Variants in ARHGEF38 observed in about 807,000 individuals in gnomAD.
The protein encoded by ARHGEF38 is Rho guanine nucleotide exchange factor 38, also known as Rho guanine nucleotide exchange factor (GEF) 38.
In ARHGEF38, 79 loss-of-function variants were observed where a neutral mutation model predicts 79.9. That is an observed-to-expected ratio of 0.99 (90% confidence interval 0.82 to 1.19). The LOEUF is 1.19. Ranked by LOEUF, ARHGEF38 falls within the 50% of genes most tolerant of loss-of-function variation. The pLI is 0.00. For synonymous variants in ARHGEF38, 366 were observed against 328.3 expected, an observed-to-expected ratio of 1.11 and a Z score of -1.24; for missense variants, 962 against 907.2, an observed-to-expected ratio of 1.06 and a Z score of -0.78.
In ARHGEF38 at chr4:105,648,506, T is replaced by A. The variant is rs1352718098; in HGVS notation, c.875-43T>A. 4 of 1,443,960 alleles carry A rather than the reference T, an allele frequency of 2.8e-6. No individual in the cohort carries two copies. The South Asian group carries it at 6.0e-5, about 22-fold the overall frequency. 89.4% of individuals were successfully genotyped at this position (1,443,960 alleles called of 1,614,324 possible). On this transcript the variant is annotated intron_variant, in intron 6 of 13. Transcript: ENST00000420470. Reference sequence around the variant, plus strand: ...CTTTGGGTGAAGTGCACACTTTCTATGCTGCATGTGTTCAGCTACGTTATT... The same window carrying A: ...CTTTGGGTGAAGTGCACACTTTCTAAGCTGCATGTGTTCAGCTACGTTATT...
At chr4:105,660,748 C>G (rs749373409) in intron 10 of ARHGEF38, among the ~76,000 whole-genome samples, 11 of 152,154 alleles carry the variant, frequency 7.2e-5, no homozygotes, top group Non-Finnish European at 1.3e-4. Flanking sequence ...CCTGAGCTTC[C>G]TAATTCTTTT....
intron 10 of ARHGEF38, among the ~76,000 whole-genome samples, chr4:105,664,328 C>T (rs1042554920): frequency 2.6e-5 from 4 of 152,256 alleles, no homozygotes; most frequent in Admixed American, 1.3e-4. Context: ...CCATTTCTCC[C>T]GCCTCAGTGG....
Position 105,679,468 on chromosome 4 carries a change from T to A in ARHGEF38, c.*1531T>A. The A allele has an allele frequency of 3.1e-6, 5 of 1,590,306 alleles. No individual in the cohort carries two copies. Among genetic ancestry groups the A allele is most frequent in the Non-Finnish European group, 4.3e-6 (5 of 1,161,264 alleles). On this transcript the variant is annotated 3_prime_UTR_variant, in exon 14 of 14. Transcript: ENST00000420470. ...ATTTCCTCTAGGCTTTCCAGAGTCATGGTCACAAACCCCTTATCAGAGTTG... is the reference window on the plus strand; with the variant it reads ...ATTTCCTCTAGGCTTTCCAGAGTCAAGGTCACAAACCCCTTATCAGAGTTG...
chr4:105,647,025 CA>C (rs1473982051), intron 6 of ARHGEF38, among the ~76,000 whole-genome samples: 1 of 152,034 alleles, frequency 6.6e-6, no homozygotes, highest in Non-Finnish European at 1.5e-5. Context: ...ACATGGAGAT[CA>C]GGGTGCCTCA....
In ARHGEF38 at chr4:105,667,723, A is replaced by T. The variant is rs1227503939; in HGVS notation, c.2148+20A>T. On this transcript the variant is annotated intron_variant, in intron 13 of 13. Transcript: ENST00000420470. ...GAACAGGTAAAAATTTGATGTAAAA[A>T]TATGTGGTTGTTCAAATCATGAAAG... The T allele has an allele frequency of 6.5e-7, 1 of 1,535,666 alleles. No individual in the cohort carries two copies. Among genetic ancestry groups the T allele is most frequent in the Non-Finnish European group, 8.7e-7 (1 of 1,146,756 alleles).
Position 105,654,099 on chromosome 4 carries a change from T to C in ARHGEF38, c.1043T>C (p.Leu348Pro). The C allele has an allele frequency of 6.6e-7, 1 of 1,515,572 alleles. No individual in the cohort carries two copies. Among genetic ancestry groups the C allele is most frequent in the Non-Finnish European group, 8.8e-7 (1 of 1,132,874 alleles). 93.9% of individuals were successfully genotyped at this position (1,515,572 alleles called of 1,614,324 possible). Residue 348 changes from leucine (L) to proline (P), a missense_variant, in exon 8 of 14, where the codon CTG becomes CCG. Physicochemically the swap from Leu to Pro is moderately conservative, Grantham distance 98 (BLOSUM62 -3). Transcript: ENST00000420470. The stretch of plus-strand genomic sequence containing the variant: ...AATACCTTTAACAGAGAAGAAAAGC[T>C]GTTTAGAGCTTTAGAAAAGACTGTG... ...KDNTFNREEKLFRALEKTVRL... is the reference protein window; with the variant it reads ...KDNTFNREEKPFRALEKTVRL...
At position 105,680,861 on chromosome 4, in the gene ARHGEF38, AT is replaced by A. The variant is rs1731287309; in HGVS notation, c.*2925del. 1 of 152,316 alleles carries A rather than the reference AT, an allele frequency of 6.6e-6. No individual in the cohort carries two copies. Among genetic ancestry groups the A allele is most frequent in the Non-Finnish European group, 1.5e-5 (1 of 68,002 alleles). 9.4% of individuals were successfully genotyped at this position (152,316 alleles called of 1,614,324 possible). On this transcript the variant is annotated 3_prime_UTR_variant, in exon 14 of 14. Transcript: ENST00000420470. The stretch of plus-strand genomic sequence containing the variant: ...GCACGTATTTTCCATGATGGGATAA[AT>A]GTTTTCATTTCAAGTGCCAATGTGT...
chr4:105,662,968 C>T (rs1730618065), intron 10 of ARHGEF38, among the ~76,000 whole-genome samples: 1 of 152,092 alleles, frequency 6.6e-6, no homozygotes, highest in South Asian at 2.1e-4. Context: ...AAGTAAAAGG[C>T]ATTTTGGAGA....
At chr4:105,668,662 G>GTAGATAGA (rs10608366) in intron 13 of ARHGEF38, among the ~76,000 whole-genome samples, 20 of 149,036 alleles carry the variant, frequency 1.3e-4, no homozygotes, top group South Asian at 4.3e-4. Context: ...ATGTATATGT[G>GTAGATAGA]TAGATAGATA....
chr4:105,672,603 A>G (rs1479793257), intron 13 of ARHGEF38, among the ~76,000 whole-genome samples: 2 of 152,232 alleles, frequency 1.3e-5, no homozygotes, highest in Non-Finnish European at 2.9e-5. Flanking sequence ...TCCATGCTGC[A>G]TAACAAATTA....
In ARHGEF38 at chr4:105,613,470, G is replaced by A. The variant is rs368627570; in HGVS notation, c.471G>A (p.Glu157=). The change falls in exon 3 of 14, where the codon GAG becomes GAA. Residue 157 remains glutamate (E), a synonymous_variant. Coordinates refer to ENST00000420470, the MANE Select transcript of ARHGEF38 (RefSeq NM_001242729.2). ...CCAAGCTGCTGTCATTGTTGGAAGA[G>A]GCCACAACAGACGTGGAACCGGCCA... ...ISAKLLSLLE[E]ATTDVEPAMQ... is the part of the protein sequence containing the mutation. 5.6e-6 allele frequency: 9 copies of A among 1,613,118 alleles called. No individual in the cohort carries two copies. The highest frequency in any genetic ancestry group is 2.2e-5 in the East Asian group (1 of 44,876).
intron 13 of ARHGEF38, among the ~76,000 whole-genome samples, chr4:105,671,481 T>G (rs1170932666): frequency 6.6e-6 from 1 of 152,208 alleles, no homozygotes; most frequent in Non-Finnish European, 1.5e-5. Context: ...CCCCCTGTAA[T>G]GCATAATGCA....
chr4:105,607,204 A>G (rs955309484), intron 2 of ARHGEF38, among the ~76,000 whole-genome samples: 2 of 152,128 alleles, frequency 1.3e-5, no homozygotes, highest in East Asian at 1.9e-4. Context: ...AGCCAGTTAT[A>G]CCAATGGCCA....
chr4:105,665,110 G>A (rs1730700397), intron 10 of ARHGEF38, among the ~76,000 whole-genome samples: 1 of 152,020 alleles, frequency 6.6e-6, no homozygotes, highest in Non-Finnish European at 1.5e-5. Flanking sequence ...CAGTCCTCCT[G>A]CCTCAGCCTC....
At chr4:105,663,000 T>A (rs1428614551) in intron 10 of ARHGEF38, among the ~76,000 whole-genome samples, 2 of 152,178 alleles carry the variant, frequency 1.3e-5, no homozygotes, top group Non-Finnish European at 2.9e-5. Flanking sequence ...TTAAAATGAT[T>A]TTATTCTTTA....
intron 4 of ARHGEF38, 32 bp downstream of exon 4, chr4:105,631,077 C>G: frequency 1.3e-6 from 2 of 1,591,340 alleles, no homozygotes; most frequent in Non-Finnish European, 1.7e-6. Context: ...ATTCCCATCT[C>G]CTCTCAGTTG....
intron 13 of ARHGEF38, among the ~76,000 whole-genome samples, chr4:105,668,154 AC>A (rs1287937429): frequency 6.6e-6 from 1 of 151,924 alleles, no homozygotes; most frequent in Non-Finnish European, 1.5e-5. Context: ...CATGTATAAT[AC>A]CACACACTAT....
chr4:105,661,940 G>A lies in ARHGEF38; in HGVS notation c.1545+2575G>A, dbSNP rs150260947. Among the ~76,000 whole-genome samples the A allele has an allele frequency of 9.2e-5, 14 of 152,128 alleles. No individual in the cohort carries two copies. The East Asian group carries it at 1.4e-3, about 15-fold the overall frequency. On this transcript the variant is annotated intron_variant, in intron 10 of 13. Transcript: ENST00000420470. ...ACAAATAATGCCGGGGTCATGATAC[G>A]TGGACAGATGTATCTGTAGGACAGA...
At position 105,679,796 on chromosome 4, in the gene ARHGEF38, C is replaced by T; in HGVS notation, c.*1859C>T. On this transcript the variant is annotated 3_prime_UTR_variant, in exon 14 of 14. Transcript: ENST00000420470. Reference sequence around the variant, plus strand: ...ACAAACCCCTGTCTGTCCAGCTTTACCCACGCATCCAGAGAGATGGATATA... The same window carrying T: ...ACAAACCCCTGTCTGTCCAGCTTTATCCACGCATCCAGAGAGATGGATATA... 1 of 1,082,046 alleles carries T rather than the reference C, an allele frequency of 9.2e-7. No individual in the cohort carries two copies. The highest frequency in any genetic ancestry group is 1.4e-6 in the Non-Finnish European group (1 of 703,072). The allele number at this position is 1,082,046 out of a possible 1,614,324, so 67.0% of individuals were successfully genotyped here.
Sources: allele counts gnomAD v4.1 joint callset (sites outside exome capture counted in the v4.1 genomes callset), GRCh38; gene constraint gnomAD v4.1.1; transcripts MANE v1.5; gene names NCBI Gene and HGNC (gene_info 2026-07-23, HGNC 2026-07-21).